ATP10B: variants seen among roughly 807,000 people sequenced by gnomAD.
ATP10B encodes ATPase phospholipid transporting 10B (putative), also known as phospholipid-transporting ATPase VB.
A neutral mutation model predicts 141.2 loss-of-function variants in ATP10B; 122 were observed. That is an observed-to-expected ratio of 0.86 (90% CI 0.75 to 1.00). The LOEUF (loss-of-function observed/expected upper bound fraction) is 1.00. ATP10B is among the 50% of genes least tolerant of loss of function. The pLI is 0.00. For missense variants in ATP10B, 1,876 were observed against 1,825.3 expected (o/e 1.03, Z -0.51); for synonymous variants, 685 against 692.0 (o/e 0.99, Z 0.16).
the ATP10B span, among the ~76,000 whole-genome samples, chr5:160,870,906 T>A: frequency 6.9e-6 from 1 of 145,634 alleles, no homozygotes; most frequent in Non-Finnish European, 1.5e-5. Context: ...TCAGAAAATG[T>A]AAACAATAGT....
intron 25 of ATP10B, 57 bp downstream of exon 25, chr5:160,569,439 G>T: frequency 1.3e-6 from 2 of 1,569,902 alleles, no homozygotes; most frequent in South Asian, 1.1e-5. Context: ...TATAAAAATG[G>T]CTTATTAAAG....
At chr5:160,613,551 G>A (rs945344000) in intron 17 of ATP10B, among the ~76,000 whole-genome samples, 2 of 152,196 alleles carry the variant, frequency 1.3e-5, no homozygotes, top group Non-Finnish European at 2.9e-5. Context: ...AGCAGGATGA[G>A]ATTCAGAACT....
intron 3 of ATP10B, among the ~76,000 whole-genome samples, chr5:160,707,915 GAT>G (rs1487643441): frequency 1.3e-5 from 2 of 152,218 alleles, no homozygotes; most frequent in Non-Finnish European, 1.5e-5. Flanking sequence ...GAAGAAGAAT[GAT>G]AGAGTGATGT....
At chr5:160,844,227 T>C (rs986580667) in intron 1 of ATP10B, among the ~76,000 whole-genome samples, 1 of 152,108 alleles carries the variant, frequency 6.6e-6, no homozygotes, top group African/African-American at 2.4e-5. Flanking sequence ...CACACATATA[T>C]GTGCTAAAAG....
chr5:160,598,363 A>T (rs28645433), intron 22 of ATP10B, among the ~76,000 whole-genome samples: 252 of 152,070 alleles, frequency 1.7e-3, no homozygotes, highest in African/African-American at 5.9e-3. Context: ...CAGGAAGGGG[A>T]ACATCACACT....
chr5:160,875,169 C>T, the ATP10B span, among the ~76,000 whole-genome samples: 205 of 123,152 alleles, frequency 1.7e-3, 1 homozygote, highest in African/African-American at 5.5e-3. Context: ...AAGCCCATCA[C>T]ACTAACAGCG....
chr5:160,787,103 C>T (rs1456792389), intron 1 of ATP10B, among the ~76,000 whole-genome samples: 2 of 85,948 alleles, frequency 2.3e-5, no homozygotes, highest in Admixed American at 2.5e-4. Context: ...GGTTTTGACA[C>T]AGACACACAC....
chr5:160,568,448 A>C (rs1754682808), intron 25 of ATP10B, among the ~76,000 whole-genome samples: 1 of 152,232 alleles, frequency 6.6e-6, no homozygotes, highest in Admixed American at 6.5e-5. Flanking sequence ...AAAGTTTTGT[A>C]TAATTGTCTA....
intron 7 of ATP10B, among the ~76,000 whole-genome samples, chr5:160,669,410 G>A (rs1406204507): frequency 6.6e-6 from 1 of 152,118 alleles, no homozygotes; most frequent in Non-Finnish European, 1.5e-5. Flanking sequence ...CTTGCCCAAG[G>A]TGAGATGGCT....
chr5:160,800,003 T>C (rs1772268359), intron 1 of ATP10B, among the ~76,000 whole-genome samples: 1 of 152,152 alleles, frequency 6.6e-6, no homozygotes, highest in Admixed American at 6.5e-5. Flanking sequence ...TTCATATCAT[T>C]TAAGAAGGAA....
chr5:160,870,755 AAAC>A, the ATP10B span, among the ~76,000 whole-genome samples: 1 of 152,066 alleles, frequency 6.6e-6, no homozygotes, highest in Non-Finnish European at 1.5e-5. Flanking sequence ...AAAACACAAA[AAAC>A]AAAACAAAAA....
chr5:160,730,825 A>C (rs1339967426), intron 2 of ATP10B, among the ~76,000 whole-genome samples: 3 of 152,122 alleles, frequency 2.0e-5, no homozygotes, highest in Admixed American at 2.0e-4. Context: ...GCATCCTCAA[A>C]TCAGATAAGA....
At chr5:160,892,930 G>A in the ATP10B span, among the ~76,000 whole-genome samples, 1 of 152,164 alleles carries the variant, frequency 6.6e-6, no homozygotes, top group Admixed American at 6.5e-5. Flanking sequence ...ATGTAACCCG[G>A]GAAGTGCAAG....
intron 7 of ATP10B, among the ~76,000 whole-genome samples, chr5:160,667,559 T>C (rs757109170): frequency 2.0e-5 from 3 of 152,210 alleles, no homozygotes; most frequent in Non-Finnish European, 2.9e-5. Flanking sequence ...CAAGCTCAAA[T>C]AATCTTCCTT....
intron 2 of ATP10B, among the ~76,000 whole-genome samples, chr5:160,743,219 T>G (rs1358991160): frequency 6.6e-6 from 1 of 152,182 alleles, no homozygotes; most frequent in East Asian, 1.9e-4. Flanking sequence ...TGAGCCAGGA[T>G]TCAAATATAG....
At chr5:160,912,591 ACT>A in the ATP10B span, among the ~76,000 whole-genome samples, 3 of 151,594 alleles carry the variant, frequency 2.0e-5, no homozygotes, top group Admixed American at 6.6e-5. Flanking sequence ...AGAGTAAGCC[ACT>A]GTCAAAGAAA....
chr5:160,841,443 T>A (rs936769041), intron 1 of ATP10B, among the ~76,000 whole-genome samples: 2 of 152,024 alleles, frequency 1.3e-5, no homozygotes, highest in African/African-American at 2.4e-5. Flanking sequence ...CCATATGAGG[T>A]AGGGGAATGA....
intron 1 of ATP10B, among the ~76,000 whole-genome samples, chr5:160,786,786 C>T (rs142119911): frequency 1.4e-4 from 22 of 152,114 alleles, no homozygotes; most frequent in African/African-American, 4.3e-4. Flanking sequence ...TAAAAGGCCA[C>T]GGTAGGTGCT....
At chr5:160,669,783 G>A (rs1256531925) in intron 7 of ATP10B, among the ~76,000 whole-genome samples, 20 of 151,370 alleles carry the variant, frequency 1.3e-4, no homozygotes, top group Admixed American at 4.6e-4. Flanking sequence ...TAAATTTTTA[G>A]TAGAGACAGG....
Sources: gnomAD v4.1 joint callset for allele counts (sites outside exome capture counted in the v4.1 genomes callset) on GRCh38, gnomAD v4.1.1 for gene constraint, MANE v1.5 for transcripts, NCBI Gene and HGNC (gene_info 2026-07-23, HGNC 2026-07-21) for gene names.